The following HFM1 variants were observed in gnomAD, a reference collection of about 807,000 sequenced individuals.
HFM1 encodes helicase for meiosis 1.
Under a neutral mutation model 192.1 loss-of-function variants are expected in HFM1, and 169 were observed. The observed-to-expected ratio is 0.88, with a 90% CI of 0.78 to 1.00. The LOEUF (loss-of-function observed/expected upper bound fraction) is 1.00, where lower values mean the gene tolerates loss of function less well. Ranked by LOEUF, HFM1 falls within the 50% of genes least tolerant of loss-of-function variation. The pLI, the probability that HFM1 is intolerant of heterozygous loss-of-function variation, is 0.00. For synonymous variants in HFM1, 525 were observed against 537.8 expected, an observed-to-expected ratio of 0.98 and a Z score of 0.33; for missense variants, 1,661 against 1,668.0, an observed-to-expected ratio of 1.00 and a Z score of 0.07.
rs563908253 is a variant in HFM1, at chr1:91,393,146, A to C, written c.494+947T>G. On this transcript the variant is annotated intron_variant, in intron 4 of 38. Coordinates refer to ENST00000370425, the MANE Select transcript of HFM1 (RefSeq NM_001017975.6). ...TATCTTAATAAAGCTGTTATTACAA[A>C]CATTATAGAAATCAACCTCAGCTGG... 3.4e-4 allele frequency among the ~76,000 whole-genome samples: 52 copies of C among 152,338 alleles called. 1 individual carries two copies. Among genetic ancestry groups the C allele is most frequent in the African/African-American group, 1.2e-3 (50 of 41,578 alleles).
At chr1:91,267,895 G>A (rs763148905) in intron 34 of HFM1, 40 bp from the exon 35 acceptor site, 2 of 1,091,002 alleles carry the variant, frequency 1.8e-6, no homozygotes, top group South Asian at 2.8e-5. Context: ...TCTGTCAAAT[G>A]TTGGTTTCCA....
intron 20 of HFM1, among the ~76,000 whole-genome samples, chr1:91,341,540 A>T (rs1300191801): frequency 6.6e-6 from 1 of 152,208 alleles, no homozygotes; most frequent in East Asian, 1.9e-4. Context: ...GAAAAGCAAG[A>T]GCAAATCAAC....
chr1:91,363,453 T>C (rs911441233), intron 13 of HFM1, among the ~76,000 whole-genome samples: 8 of 149,338 alleles, frequency 5.4e-5, no homozygotes, highest in Admixed American at 4.0e-4. Context: ...CACTGATCAT[T>C]AGAGAAATGT....
At chr1:91,279,317 T>C (rs1216438725) in intron 30 of HFM1, among the ~76,000 whole-genome samples, 1 of 152,200 alleles carries the variant, frequency 6.6e-6, no homozygotes, top group Non-Finnish European at 1.5e-5. Flanking sequence ...GCTTTGACTT[T>C]AAACTTTGTA....
Position 91,290,593 on chromosome 1 carries a change from T to A in HFM1, c.3392-13531A>T, listed in dbSNP as rs1283515720. On this transcript the variant is annotated intron_variant, in intron 30 of 38. Transcript: ENST00000370425. The stretch of plus-strand genomic sequence containing the variant: ...ACAAAGAGACTTAGACTCCCACACA[T>A]TAATAATAGGAGACTTTAACACCCC... Among the ~76,000 whole-genome samples the A allele has an allele frequency of 2.0e-5, 3 of 152,116 alleles. No homozygotes were observed. The East Asian group carries it at 5.8e-4, about 29-fold the overall frequency.
chr1:91,265,977 T>C, intron 36 of HFM1, 40 bp downstream of exon 36: 1 of 1,584,388 alleles, frequency 6.3e-7, no homozygotes, highest in Non-Finnish European at 8.5e-7. Flanking sequence ...CAAGGGGATA[T>C]AAAGTTGCAA....
At chr1:91,329,225 C>T in intron 20 of HFM1, 1 of 1,609,696 alleles carries the variant, frequency 6.2e-7, no homozygotes, top group Non-Finnish European at 8.5e-7. Context: ...ACCAGCTCTT[C>T]TTGGAACCTG....
intron 13 of HFM1, among the ~76,000 whole-genome samples, chr1:91,373,980 T>C (rs1660588206): frequency 6.6e-6 from 1 of 152,082 alleles, no homozygotes; most frequent in African/African-American, 2.4e-5. Flanking sequence ...AAAAGGATAT[T>C]ATAATTATAG....
At chr1:91,390,781 T>A (rs898491394) in intron 4 of HFM1, among the ~76,000 whole-genome samples, 13 of 152,080 alleles carry the variant, frequency 8.5e-5, no homozygotes, top group Admixed American at 2.6e-4. Context: ...AAAGAAATAA[T>A]GGGTATTCAA....
rs1270489661 is a variant in HFM1, at chr1:91,314,076, G to A, written c.3141-16C>T. On this transcript the variant is annotated splice_polypyrimidine_tract_variant and intron_variant, in intron 28 of 38. Coordinates refer to ENST00000370425, the MANE Select transcript of HFM1 (RefSeq NM_001017975.6). Reference sequence around the variant, plus strand: ...AACAGAATCCCTGAAAAATAGTATAGTTTAAATAGTGATCCAAACACTGAA... The same window carrying A: ...AACAGAATCCCTGAAAAATAGTATAATTTAAATAGTGATCCAAACACTGAA... 1 of 1,441,302 alleles carries A rather than the reference G, an allele frequency of 6.9e-7. No individual in the cohort carries two copies. Among genetic ancestry groups the A allele is most frequent in the Non-Finnish European group, 9.7e-7 (1 of 1,029,650 alleles). 89.3% of individuals were successfully genotyped at this position (1,441,302 alleles called of 1,614,324 possible).
intron 34 of HFM1, among the ~76,000 whole-genome samples, chr1:91,271,915 T>C (rs1185047274): frequency 1.3e-5 from 2 of 152,180 alleles, no homozygotes; most frequent in Non-Finnish European, 2.9e-5. Context: ...ATTTAATCTC[T>C]TGGAGTCTTG....
chr1:91,407,669 G>A (rs755773284), upstream of HFM1, among the ~76,000 whole-genome samples: 14 of 152,126 alleles, frequency 9.2e-5, no homozygotes, highest in Non-Finnish European at 1.8e-4. Context: ...CATTTGAGTT[G>A]TTTCCACATT....
intron 20 of HFM1, among the ~76,000 whole-genome samples, chr1:91,330,926 C>T (rs184603111): frequency 3.1e-4 from 47 of 152,194 alleles, no homozygotes; most frequent in Admixed American, 9.8e-4. Context: ...AAAAAGCATT[C>T]GATAAAATTC....
chr1:91,323,256 C>T (rs1240873910), intron 21 of HFM1, 57 bp from the exon 22 acceptor site: 1 of 896,412 alleles, frequency 1.1e-6, no homozygotes, highest in African/African-American at 1.7e-5. Flanking sequence ...TTCCTCTCAT[C>T]CTTTCTCCAA....
chr1:91,353,063 A>C lies in HFM1; in HGVS notation c.1819T>G (p.Leu607Val). Reference protein sequence around the residue: ...VVEGAFTVGDLPVLFTTSTLA... With the variant: ...VVEGAFTVGDVPVLFTTSTLA... ...ATGTTTTACTTACAAAGAACTGGTA[A>C]ATCTCCAACAGTAAAAGCTCCCTCA... is the stretch of plus-strand genomic sequence containing the variant. The change falls in exon 15 of 39, where the codon TTA becomes GTA. Residue 607 changes from leucine to valine, a missense_variant. Transcript: ENST00000370425. 1 of 1,594,356 alleles carries C rather than the reference A, an allele frequency of 6.3e-7. No individual in the cohort carries two copies. Among genetic ancestry groups the C allele is most frequent in the Non-Finnish European group, 8.6e-7 (1 of 1,163,402 alleles).
At chr1:91,287,500 C>A (rs990438552) in intron 30 of HFM1, among the ~76,000 whole-genome samples, 2 of 152,020 alleles carry the variant, frequency 1.3e-5, no homozygotes, top group African/African-American at 4.8e-5. Flanking sequence ...ACATCCACAC[C>A]AAAAACCCAT....
intron 20 of HFM1, among the ~76,000 whole-genome samples, chr1:91,338,620 A>G (rs1654916252): frequency 6.6e-6 from 1 of 150,938 alleles, no homozygotes; most frequent in Non-Finnish European, 1.5e-5. Context: ...TCCCCCAACC[A>G]CTCTGCTGGC....
In HFM1 at chr1:91,378,183, C is replaced by T. The variant is rs1427431281; in HGVS notation, c.1237G>A (p.Val413Ile). 2.5e-6 allele frequency: 4 copies of T among 1,573,478 alleles called. No individual in the cohort carries two copies. The highest frequency in any genetic ancestry group is 2.4e-5 in the South Asian group (2 of 84,008). ...QLVRLFLIDE[V>I]HIVKDENRGP... The stretch of plus-strand genomic sequence containing the variant: ...CGATTTTCATCTTTTACAATATGTA[C>T]CTAAGCAGGAAATCAAGAAAAAATC... The change falls in exon 11 of 39, where the codon GTA becomes ATA. Residue 413 changes from valine (V) to isoleucine (I), a missense_variant and splice_region_variant. Physicochemically the swap from Val to Ile is conservative, Grantham distance 29. Transcript: ENST00000370425.
intron 13 of HFM1, among the ~76,000 whole-genome samples, chr1:91,356,079 A>T (rs1001611049): frequency 1.3e-5 from 2 of 152,172 alleles, no homozygotes; most frequent in African/African-American, 4.8e-5. Flanking sequence ...TAACAGGAAA[A>T]ATCTTGAAAA....
Sources: gnomAD v4.1 joint callset for allele counts (sites outside exome capture counted in the v4.1 genomes callset) on GRCh38, gnomAD v4.1.1 for gene constraint, MANE v1.5 for transcripts, NCBI Gene and HGNC (gene_info 2026-07-23, HGNC 2026-07-21) for gene names.